The following MYRFL variants were observed in gnomAD, a reference collection of about 807,000 sequenced individuals.
MYRFL encodes the protein myelin regulatory factor-like protein.
A neutral mutation model predicts 109.4 loss-of-function variants in MYRFL; 88 were observed. The ratio of observed to expected loss-of-function variants is 0.80; its 90% CI spans 0.68 to 0.96. The LOEUF (loss-of-function observed/expected upper bound fraction) is 0.96, where lower values mean the gene tolerates loss of function less well. Ranked by LOEUF, MYRFL falls within the 40% of genes least tolerant of loss-of-function variation. MYRFL has a pLI of 0.00. For synonymous variants in MYRFL, 324 were observed against 320.9 expected (o/e 1.01, Z -0.10); for missense variants, 957 against 954.9 (o/e 1.00, Z -0.03).
chr12:69,844,712 G>A (rs1240265), intron 1 of MYRFL, among the ~76,000 whole-genome samples: 54,921 of 151,978 alleles, frequency 0.36, 11,543 homozygotes, highest in Middle Eastern at 0.57. Flanking sequence ...TGTAAACTGG[G>A]AGTAGTATTG....
chr12:69,933,139 A>C (rs911259062), intron 16 of MYRFL, among the ~76,000 whole-genome samples: 2 of 152,162 alleles, frequency 1.3e-5, no homozygotes, highest in Non-Finnish European at 2.9e-5. Context: ...AAACCAAGCA[A>C]ATACAGTGAG....
chr12:69,949,499 C>T (rs1429698037), intron 19 of MYRFL, among the ~76,000 whole-genome samples: 1 of 152,200 alleles, frequency 6.6e-6, no homozygotes, highest in African/African-American at 2.4e-5. Flanking sequence ...CCTGATTCCT[C>T]CCTTCAGCTG....
chr12:69,919,033 CT>C (rs1954828687), intron 13 of MYRFL, among the ~76,000 whole-genome samples: 1 of 152,152 alleles, frequency 6.6e-6, no homozygotes, highest in African/African-American at 2.4e-5. Flanking sequence ...AAGATATTCT[CT>C]ATGAGGGCAG....
At chr12:69,898,696 A>G (rs1954084266) in intron 10 of MYRFL, among the ~76,000 whole-genome samples, 1 of 152,248 alleles carries the variant, frequency 6.6e-6, no homozygotes, top group Admixed American at 6.5e-5. Flanking sequence ...AGATATCATG[A>G]CAGTACTCTC....
At chr12:69,923,661 T>A (rs11177968) in intron 13 of MYRFL, among the ~76,000 whole-genome samples, 8,410 of 152,138 alleles carry the variant, frequency 0.055, 755 homozygotes, top group African/African-American at 0.19. Flanking sequence ...ATTGAAAAGC[T>A]TAAGATTCCC....
At chr12:69,909,190 T>C (rs986468077) in intron 11 of MYRFL, among the ~76,000 whole-genome samples, 1 of 152,230 alleles carries the variant, frequency 6.6e-6, no homozygotes, top group Admixed American at 6.5e-5. Flanking sequence ...TACTCTGGAA[T>C]AACTTCCTGA....
chr12:69,927,649 A>T (rs1345073485), intron 14 of MYRFL, 36 bp from the exon 15 acceptor site: 1 of 1,485,560 alleles, frequency 6.7e-7, no homozygotes, highest in Non-Finnish European at 9.0e-7. Context: ...CTGGAGAGGT[A>T]TTTGAATAGT....
At position 69,880,951 on chromosome 12, in the gene MYRFL, G is replaced by GTTTTTTTTTTTTTTTTTTTTTTTTTTTT. The variant is rs71094746; in HGVS notation, c.556+677_556+678insTTTTTTTTTTTTTTTTTTTTTTTTTTTT. 1.8e-5 allele frequency among the ~76,000 whole-genome samples: 2 copies of GTTTTTTTTTTTTTTTTTTTTTTTTTTTT among 112,624 alleles called. 1 individual carries two copies. The highest frequency in any genetic ancestry group is 3.6e-5 in the Non-Finnish European group (2 of 55,770). The allele number at this position is 112,624 out of a possible 152,430, so 73.9% of individuals were successfully genotyped here. ...TAATGTCCAAGCGGTCAGCCTTCCTGTTTTTTTTTTTTTTTTTTGTCTTAT... is the reference window on the plus strand; with the variant it reads ...TAATGTCCAAGCGGTCAGCCTTCCTGTTTTTTTTTTTTTTTTTTTTTTTTTTTTTTTTTTTTTTTTTTTTTTGTCTTAT... On this transcript the variant is annotated intron_variant, in intron 5 of 24. Coordinates refer to ENST00000552032, the MANE Select transcript of MYRFL (RefSeq NM_182530.3).
chr12:69,895,268 G>A, intron 8 of MYRFL, 103 bp from the exon 9 acceptor site: 1 of 841,722 alleles, frequency 1.2e-6, no homozygotes, highest in Non-Finnish European at 1.8e-6. Context: ...GGTGAGAACT[G>A]GGAACCAAGC....
At chr12:69,868,730 C>T (rs1192747540) in intron 2 of MYRFL, among the ~76,000 whole-genome samples, 1 of 152,218 alleles carries the variant, frequency 6.6e-6, no homozygotes, top group Non-Finnish European at 1.5e-5. Context: ...TTTCCTGTAT[C>T]AACTTCTAGA....
chr12:69,856,366 TTA>T (rs1884283509), intron 2 of MYRFL, among the ~76,000 whole-genome samples: 3 of 152,120 alleles, frequency 2.0e-5, no homozygotes, highest in Admixed American at 1.3e-4. Context: ...CTATAAATAT[TTA>T]TGTATGGGTT....
chr12:69,925,165 G>A (rs1238652012), intron 13 of MYRFL, among the ~76,000 whole-genome samples: 2 of 152,102 alleles, frequency 1.3e-5, no homozygotes, highest in African/African-American at 2.4e-5. Flanking sequence ...GATGGGATTT[G>A]GACTGGCCTT....
intron 5 of MYRFL, among the ~76,000 whole-genome samples, chr12:69,886,240 G>A (rs1036693659): frequency 2.6e-5 from 4 of 152,152 alleles, no homozygotes; most frequent in African/African-American, 9.7e-5. Flanking sequence ...ATGAGGACTG[G>A]TGCCCTTCAT....
chr12:69,955,033 T>C (rs1404619617), intron 21 of MYRFL, among the ~76,000 whole-genome samples: 2 of 152,200 alleles, frequency 1.3e-5, no homozygotes, highest in African/African-American at 2.4e-5. Context: ...AATCTGTGTC[T>C]CTTTAAAGGG....
chr12:69,886,799 G>A, intron 5 of MYRFL, 21 bp from the exon 6 acceptor site: 1 of 1,535,378 alleles, frequency 6.5e-7, no homozygotes, highest in South Asian at 1.2e-5. Flanking sequence ...GGAAGGCTCT[G>A]ACGCACCTGT....
chr12:69,929,343 A>G (rs1955198404), intron 15 of MYRFL, among the ~76,000 whole-genome samples: 1 of 152,178 alleles, frequency 6.6e-6, no homozygotes, highest in South Asian at 2.1e-4. Flanking sequence ...ATTGCATTGT[A>G]GCCAGGGAAG....
chr12:69,954,755 G>C (rs751635607), intron 21 of MYRFL, among the ~76,000 whole-genome samples: 2 of 152,042 alleles, frequency 1.3e-5, no homozygotes, highest in African/African-American at 4.8e-5. Flanking sequence ...GGAGTTTTTC[G>C]TTACAATACG....
At chr12:69,858,074 G>T (rs1884409297) in intron 2 of MYRFL, among the ~76,000 whole-genome samples, 1 of 151,660 alleles carries the variant, frequency 6.6e-6, no homozygotes, top group South Asian at 2.1e-4. Flanking sequence ...TATCATAAAT[G>T]GATGTTGAAT....
intron 2 of MYRFL, among the ~76,000 whole-genome samples, chr12:69,857,344 C>T (rs1884359233): frequency 6.6e-6 from 1 of 151,802 alleles, no homozygotes; most frequent in Non-Finnish European, 1.5e-5. Context: ...CTGAATTTTT[C>T]TTCTGTTTCA....
Sources: gnomAD v4.1 joint callset for allele counts (sites outside exome capture counted in the v4.1 genomes callset) on GRCh38, gnomAD v4.1.1 for gene constraint, MANE v1.5 for transcripts, NCBI Gene and HGNC (gene_info 2026-07-23, HGNC 2026-07-21) for gene names.